OXSR1: variants seen among roughly 807,000 people sequenced by gnomAD.
OXSR1 encodes the protein oxidative stress responsive kinase 1.
In OXSR1, 24 loss-of-function variants were observed where a neutral mutation model predicts 79.8. The observed-to-expected ratio is 0.30, with a 90% CI of 0.22 to 0.42. The LOEUF is 0.42. OXSR1 is among the 10% of genes least tolerant of loss of function. The probability of loss-of-function intolerance (pLI) is 1.00; values close to 1 mark genes in which losing one functional copy is unlikely to be tolerated. For synonymous variants in OXSR1, 226 were observed against 209.2 expected, an observed-to-expected ratio of 1.08 and a Z score of -0.69; for missense variants, 430 against 618.4, an observed-to-expected ratio of 0.70 and a Z score of 3.23.
intron 8 of OXSR1, among the ~76,000 whole-genome samples, chr3:38,228,538 T>C (rs972223064): frequency 3.9e-5 from 6 of 152,180 alleles, no homozygotes; most frequent in African/African-American, 1.4e-4. Context: ...CTGCTTTAAT[T>C]GGTTTGAGGT....
At chr3:38,238,904 T>C (rs1385380370) in intron 11 of OXSR1, among the ~76,000 whole-genome samples, 1 of 152,136 alleles carries the variant, frequency 6.6e-6, no homozygotes, top group Non-Finnish European at 1.5e-5. Flanking sequence ...ATTTTTTTTC[T>C]GTCCCCCAGT....
intron 4 of OXSR1, among the ~76,000 whole-genome samples, chr3:38,213,769 A>G (rs1315404176): frequency 1.3e-5 from 2 of 152,218 alleles, no homozygotes; most frequent in Non-Finnish European, 2.9e-5. Flanking sequence ...ACCCTGGTCC[A>G]AAGGGAATCA....
At chr3:38,197,813 A>G (rs759156797) in intron 3 of OXSR1, among the ~76,000 whole-genome samples, 1 of 152,202 alleles carries the variant, frequency 6.6e-6, no homozygotes, top group East Asian at 1.9e-4. Context: ...TTTTAAGATA[A>G]CTATGTAAGC....
At chr3:38,225,376 A>G (rs945093845) in intron 8 of OXSR1, among the ~76,000 whole-genome samples, 2 of 152,110 alleles carry the variant, frequency 1.3e-5, no homozygotes, top group African/African-American at 4.8e-5. Flanking sequence ...TCTGTTTCAC[A>G]TATATATTCC....
chr3:38,194,806 A>G (rs988453768), intron 3 of OXSR1, among the ~76,000 whole-genome samples: 15 of 152,176 alleles, frequency 9.9e-5, no homozygotes, highest in Admixed American at 7.9e-4. Context: ...GTTAACAGAA[A>G]TATGTATAGG....
chr3:38,215,141 A>G (rs1279460265), intron 4 of OXSR1, among the ~76,000 whole-genome samples: 1 of 152,226 alleles, frequency 6.6e-6, no homozygotes, highest in Non-Finnish European at 1.5e-5. Context: ...TTTGTGCAAC[A>G]TTAATGGTGT....
intron 5 of OXSR1, among the ~76,000 whole-genome samples, chr3:38,219,391 T>C (rs577379531): frequency 6.6e-6 from 1 of 152,146 alleles, no homozygotes; most frequent in Non-Finnish European, 1.5e-5. Context: ...TATACATAAG[T>C]TGTTTGAGTC....
chr3:38,198,931 C>G, intron 4 of OXSR1, 68 bp downstream of exon 4: 1 of 1,352,896 alleles, frequency 7.4e-7, no homozygotes, highest in Non-Finnish European at 1.0e-6. Flanking sequence ...TTTACAGAAT[C>G]GTGATCTCTG....
Position 38,254,418 on chromosome 3 carries a change from A to T in OXSR1, c.*1527A>T. The stretch of plus-strand genomic sequence containing the variant: ...CAAAGGCATGTTGGGAAAGAGATGG[A>T]TGTTGGGGAGGAAGAGAGGAGATGG... On this transcript the variant is annotated 3_prime_UTR_variant, in exon 18 of 18. Coordinates refer to ENST00000311806, the MANE Select transcript of OXSR1 (RefSeq NM_005109.3). 5.1e-6 allele frequency: 2 copies of T among 390,850 alleles called. No individual in the cohort carries two copies. The highest frequency in any genetic ancestry group is 4.5e-5 in the Admixed American group (1 of 22,460). 24.2% of individuals were successfully genotyped at this position (390,850 alleles called of 1,614,324 possible). A position where few individuals can be genotyped will look rare whatever the true frequency, so the allele number is the denominator to read the frequency against.
At chr3:38,219,748 T>C (rs946887470) in intron 5 of OXSR1, among the ~76,000 whole-genome samples, 1 of 151,728 alleles carries the variant, frequency 6.6e-6, no homozygotes, top group Non-Finnish European at 1.5e-5. Flanking sequence ...TTTTTAGATA[T>C]TTCCCGGTTT....
chr3:38,244,666 T>TGTGTGTGTGTGTGTGTGTGTGTGTGTGC (rs748851263), intron 12 of OXSR1, among the ~76,000 whole-genome samples: 35 of 144,058 alleles, frequency 2.4e-4, no homozygotes, highest in East Asian at 1.0e-3. Flanking sequence ...TGTGTGTGTG[T>TGTGTGTGTGTGTGTGTGTGTGTGTGTGC]GCGTGCGCAT....
intron 2 of OXSR1, among the ~76,000 whole-genome samples, chr3:38,184,389 A>G (rs1325613931): frequency 6.6e-6 from 1 of 152,198 alleles, no homozygotes; most frequent in African/African-American, 2.4e-5. Flanking sequence ...ATCTTATTTT[A>G]AGATCTTGGA....
Position 38,227,147 on chromosome 3 carries a change from C to T in OXSR1, c.836+2443C>T, listed in dbSNP as rs779693072. ...AGAACATTGCTAAGTTAAAATAACACGCACAATGGACTGGTTAAACAGAAC... is the reference window on the plus strand; with the variant it reads ...AGAACATTGCTAAGTTAAAATAACATGCACAATGGACTGGTTAAACAGAAC... On this transcript the variant is annotated intron_variant, in intron 8 of 17. Transcript: ENST00000311806. Among the ~76,000 whole-genome samples the T allele has an allele frequency of 3.3e-5, 5 of 152,030 alleles. No homozygotes were observed. The South Asian group carries it at 6.2e-4, about 19-fold the overall frequency.
At chr3:38,232,142 G>A (rs1413782239) in intron 10 of OXSR1, among the ~76,000 whole-genome samples, 3 of 152,026 alleles carry the variant, frequency 2.0e-5, no homozygotes, top group Non-Finnish European at 4.4e-5. Flanking sequence ...TCAGACCGGG[G>A]ATATGGTGAC....
At chr3:38,238,806 G>A (rs180968194) in intron 11 of OXSR1, among the ~76,000 whole-genome samples, 2 of 151,848 alleles carry the variant, frequency 1.3e-5, no homozygotes, top group East Asian at 3.9e-4. Context: ...CATGTTTCTT[G>A]TGCTTGGGGT....
At chr3:38,182,349 G>A (rs138009691) in intron 1 of OXSR1, among the ~76,000 whole-genome samples, 10 of 152,338 alleles carry the variant, frequency 6.6e-5, no homozygotes, top group African/African-American at 2.4e-4. Context: ...CAGGCATAGT[G>A]TGGAGACCCT....
At chr3:38,239,456 T>A (rs1055577583) in intron 11 of OXSR1, among the ~76,000 whole-genome samples, 6 of 152,156 alleles carry the variant, frequency 3.9e-5, no homozygotes, top group Admixed American at 2.6e-4. Context: ...GTTAGTTGGG[T>A]CTGTAGTAGT....
In OXSR1 at chr3:38,191,155, C is replaced by T. The variant is rs552488372; in HGVS notation, c.292+316C>T. Among the ~76,000 whole-genome samples, 3 of 152,294 alleles carry T rather than the reference C, an allele frequency of 2.0e-5. No homozygotes were observed. In the East Asian group the frequency reaches 5.8e-4, roughly 29 times the overall value. On this transcript the variant is annotated intron_variant, in intron 3 of 17. Coordinates refer to ENST00000311806, the MANE Select transcript of OXSR1 (RefSeq NM_005109.3). ...AAAACTCCTGGGTTCAAGTGATCCTCCCATCTCAGCCTCCCAAGTAGCTGA... is the reference window on the plus strand; with the variant it reads ...AAAACTCCTGGGTTCAAGTGATCCTTCCATCTCAGCCTCCCAAGTAGCTGA...
intron 4 of OXSR1, among the ~76,000 whole-genome samples, chr3:38,208,981 TGTGTGCGC>T (rs1559512907): frequency 2.0e-5 from 3 of 151,340 alleles, no homozygotes; most frequent in South Asian, 2.1e-4. Flanking sequence ...TGTGTGTGTG[TGTGTGCGC>T]GCGCGCGTGC....
Sources: gnomAD v4.1 joint callset for allele counts (sites outside exome capture counted in the v4.1 genomes callset) on GRCh38, gnomAD v4.1.1 for gene constraint, MANE v1.5 for transcripts, NCBI Gene and HGNC (gene_info 2026-07-23, HGNC 2026-07-21) for gene names.